BRD9: variants seen among roughly 807,000 people sequenced by gnomAD.
The protein encoded by BRD9 is bromodomain-containing protein 9.
Under a neutral mutation model 68.7 loss-of-function variants are expected in BRD9, and 47 were observed. The ratio of observed to expected loss-of-function variants is 0.68; its 90% CI spans 0.54 to 0.87. BRD9 has a LOEUF of 0.87. Ranked by LOEUF, BRD9 falls within the 40% of genes least tolerant of loss-of-function variation. BRD9 has a pLI of 0.00. For synonymous variants in BRD9, 313 were observed against 293.9 expected, an observed-to-expected ratio of 1.06 and a Z score of -0.67; for missense variants, 670 against 748.4, an observed-to-expected ratio of 0.90 and a Z score of 1.22.
chr5:877,344 G>A (rs73733923), intron 11 of BRD9, among the ~76,000 whole-genome samples: 5,547 of 152,286 alleles, frequency 0.036, 318 homozygotes, highest in African/African-American at 0.12. Flanking sequence ...TGACCCCATC[G>A]TCTCCTACTA....
chr5:885,006 A>G (rs568841076), intron 7 of BRD9, among the ~76,000 whole-genome samples: 1 of 152,354 alleles, frequency 6.6e-6, no homozygotes, highest in East Asian at 1.9e-4. Context: ...AGAGACACCC[A>G]AAACCAACCT....
At chr5:884,371 C>A (rs1752248442) in intron 7 of BRD9, among the ~76,000 whole-genome samples, 1 of 152,218 alleles carries the variant, frequency 6.6e-6, no homozygotes, top group Non-Finnish European at 1.5e-5. Flanking sequence ...GTAACAGATG[C>A]CCACACTGGT....
At position 878,413 on chromosome 5, in the gene BRD9, C is replaced by G. The variant is rs778767370; in HGVS notation, c.1213G>C (p.Glu405Gln). Residue 405 changes from glutamate (E) to glutamine (Q), a missense_variant, in exon 11 of 16, where the codon GAG (glutamate) becomes CAG (glutamine). Around this residue, in one of 5 missense-constraint regions of BRD9, gnomAD observed 280 missense variants for 281.5 expected, o/e 0.99. Coordinates refer to ENST00000467963, the MANE Select transcript of BRD9 (RefSeq NM_023924.5). ...NSVFGDLKSD[E>Q]MELLYSAYGD... is the part of the protein sequence containing the mutation. ...TAGGCTGAGTAGAGCAGCTCCATCT[C>G]GTCCGACTTCAAGTCGCCAAATACT... 2.5e-6 allele frequency: 4 copies of G among 1,614,246 alleles called. No individual in the cohort carries two copies. Among genetic ancestry groups the G allele is most frequent in the African/African-American group, 2.7e-5 (2 of 75,076 alleles).
At chr5:891,885 G>C in intron 1 of BRD9, 31 bp from the exon 2 acceptor site, 2 of 1,548,568 alleles carry the variant, frequency 1.3e-6, no homozygotes, top group Non-Finnish European at 1.7e-6. Flanking sequence ...TTCTACCCGC[G>C]TGCTCAGGTG....
chr5:874,941 T>G (rs893532170), intron 12 of BRD9, among the ~76,000 whole-genome samples: 2 of 152,210 alleles, frequency 1.3e-5, no homozygotes, highest in Non-Finnish European at 2.9e-5. Context: ...GAAGAGGCAG[T>G]GGTGGAAAAT....
At chr5:867,631 G>C (rs185376094) in intron 14 of BRD9, among the ~76,000 whole-genome samples, 10 of 152,234 alleles carry the variant, frequency 6.6e-5, no homozygotes, top group Non-Finnish European at 1.3e-4. Flanking sequence ...AGATTCTTTC[G>C]GGGCCTCAAG....
chr5:871,961 C>T (rs1750197915), intron 12 of BRD9, among the ~76,000 whole-genome samples: 2 of 152,266 alleles, frequency 1.3e-5, no homozygotes, highest in Admixed American at 1.3e-4. Flanking sequence ...GACCAGTTGC[C>T]TGAGACCAGC....
At position 864,263 on chromosome 5, in the gene BRD9, G is replaced by C. The variant is rs1236822087; in HGVS notation, c.*205C>G. On this transcript the variant is annotated 3_prime_UTR_variant, in exon 16 of 16. Coordinates refer to ENST00000467963, the MANE Select transcript of BRD9 (RefSeq NM_023924.5). ...TCTCTGCTGACACGATGGCCATATGGCCTTCGCGTATGACTCCACTCCTCA... is the reference window on the plus strand; with the variant it reads ...TCTCTGCTGACACGATGGCCATATGCCCTTCGCGTATGACTCCACTCCTCA... 5 of 450,098 alleles carry C rather than the reference G, an allele frequency of 1.1e-5. No individual in the cohort carries two copies. The highest frequency in any genetic ancestry group is 2.0e-5 in the Non-Finnish European group (5 of 244,504). The allele number at this position is 450,098 out of a possible 1,614,324, so 27.9% of individuals were successfully genotyped here. A position where few individuals can be genotyped will look rare whatever the true frequency, so the allele number is the denominator to read the frequency against.
intron 3 of BRD9, 59 bp downstream of exon 3, chr5:891,096 C>T (rs910357142): frequency 6.7e-7 from 1 of 1,489,006 alleles, no homozygotes; most frequent in African/African-American, 1.4e-5. Flanking sequence ...CGGTGCCGAC[C>T]CCTCATTTAC....
chr5:881,346 G>C (rs1334375990), intron 8 of BRD9, 164 bp from the exon 9 acceptor site: 2 of 684,638 alleles, frequency 2.9e-6, no homozygotes, highest in African/African-American at 3.6e-5. Flanking sequence ...AGACTCACCG[G>C]CAACAGCAGA....
chr5:874,358 A>G (rs1175644607), intron 12 of BRD9, among the ~76,000 whole-genome samples: 1 of 152,192 alleles, frequency 6.6e-6, no homozygotes, highest in East Asian at 1.9e-4. Flanking sequence ...TTATTCCAAC[A>G]TGTGGGCCAT....
Position 892,666 on chromosome 5 carries a change from C to G in BRD9, c.-9G>C, listed in dbSNP as rs1350722694. On this transcript the variant is annotated 5_prime_UTR_variant, in exon 1 of 16. Transcript: ENST00000467963. ...TTGTGCTTCTTGCCCATGGCGGCGCCGGCGGCGGGCCCGAGGCGGGGGCTG... is the reference window on the plus strand; with the variant it reads ...TTGTGCTTCTTGCCCATGGCGGCGCGGGCGGCGGGCCCGAGGCGGGGGCTG... 2.8e-6 allele frequency: 4 copies of G among 1,411,300 alleles called. No individual in the cohort carries two copies. The highest frequency in any genetic ancestry group is 1.6e-5 in the South Asian group (1 of 64,324). The allele number at this position is 1,411,300 out of a possible 1,614,324, so 87.4% of individuals were successfully genotyped here.
chr5:884,104 C>T (rs1202410153), intron 7 of BRD9, 34 bp from the exon 8 acceptor site: 1 of 1,604,172 alleles, frequency 6.2e-7, no homozygotes, highest in Admixed American at 1.7e-5. Flanking sequence ...CACCTGGAGG[C>T]AGCGTCCCCA....
Position 878,263 on chromosome 5 carries a change from C to T in BRD9, c.1271+92G>A, listed in dbSNP as rs1443747504. ...ATGGACGGCTGCAAGATGGCTCTCT[C>T]CCCACCCGCACACATGTGGGACTCC... On this transcript the variant is annotated intron_variant, in intron 11 of 15. Transcript: ENST00000467963. 1.9e-6 allele frequency: 3 copies of T among 1,555,284 alleles called. No individual in the cohort carries two copies. The African/African-American group carries it at 4.1e-5, about 21-fold the overall frequency.
At chr5:869,001 T>C (rs1040062238) in intron 14 of BRD9, 1 of 222,696 alleles carries the variant, frequency 4.5e-6, no homozygotes, top group African/African-American at 2.4e-5. Flanking sequence ...TGATGCCAAC[T>C]GAAAGCCCCA....
At chr5:876,505 T>C (rs1750955846) in intron 11 of BRD9, among the ~76,000 whole-genome samples, 1 of 152,208 alleles carries the variant, frequency 6.6e-6, no homozygotes, top group Non-Finnish European at 1.5e-5. Context: ...AGAATACTCC[T>C]ATCTTTCCAC....
chr5:881,581 C>T, intron 8 of BRD9: 2 of 301,908 alleles, frequency 6.6e-6, no homozygotes, highest in Non-Finnish European at 1.3e-5. Flanking sequence ...ACCACCCACA[C>T]CCCAGTTCTG....
At chr5:884,690 G>A (rs1391612383) in intron 7 of BRD9, among the ~76,000 whole-genome samples, 1 of 152,278 alleles carries the variant, frequency 6.6e-6, no homozygotes, top group African/African-American at 2.4e-5. Flanking sequence ...CACTTGCCTG[G>A]GCATGGGTCT....
intron 13 of BRD9, among the ~76,000 whole-genome samples, chr5:871,025 G>A (rs924792405): frequency 2.0e-5 from 3 of 152,176 alleles, no homozygotes; most frequent in Non-Finnish European, 2.9e-5. Context: ...CCTGCAGCTC[G>A]GCCTCTGCCC....
Sources: allele counts gnomAD v4.1 joint callset (sites outside exome capture counted in the v4.1 genomes callset), GRCh38; gene constraint gnomAD v4.1.1; regional missense constraint gnomAD v4.1.1; transcripts MANE v1.5; gene names NCBI Gene and HGNC (gene_info 2026-07-23, HGNC 2026-07-21).